COG3: variants seen among roughly 807,000 people sequenced by gnomAD.
The protein encoded by COG3 is conserved oligomeric Golgi complex subunit 3.
In COG3, 32 loss-of-function variants were observed where a neutral mutation model predicts 114.1. That is an observed-to-expected ratio of 0.28 (90% CI 0.21 to 0.38). The LOEUF is 0.38. COG3 is among the 10% of genes least tolerant of loss of function. The probability of loss-of-function intolerance (pLI) is 1.00; values close to 1 mark genes in which losing one functional copy is unlikely to be tolerated. For synonymous variants in COG3, 352 were observed against 365.7 expected (o/e 0.96, Z 0.43); for missense variants, 813 against 973.2 (o/e 0.84, Z 2.19).
chr13:45,480,158 G>A lies in COG3; in HGVS notation c.417G>A (p.Glu139=), dbSNP rs769657274. ...GGGATTACTTGTCTGGGTTTCAGGA[G>A]CAGTGTGATGCTATATTGAATGATG... ...QMRDYLSGFQ[E]QCDAILNDVN... The change falls in exon 4 of 23, where the codon GAG becomes GAA. Residue 139 remains glutamate (E), a synonymous_variant. Transcript: ENST00000349995. 1.2e-6 allele frequency: 2 copies of A among 1,612,268 alleles called. No individual in the cohort carries two copies. The highest frequency in any genetic ancestry group is 1.7e-6 in the Non-Finnish European group (2 of 1,178,984).
chr13:45,480,168 G>C lies in COG3; in HGVS notation c.427G>C (p.Ala143Pro). The change falls in exon 4 of 23, where the codon GCT becomes CCT. Residue 143 changes from alanine (A) to proline (P), a missense_variant. By Grantham distance (27) the Ala-to-Pro change is conservative. Transcript: ENST00000349995. ...YLSGFQEQCD[A>P]ILNDVNSALQ... is the part of the protein sequence containing the mutation. ...GTCTGGGTTTCAGGAGCAGTGTGATGCTATATTGAATGATGTAAACAGTGC... is the reference window on the plus strand; with the variant it reads ...GTCTGGGTTTCAGGAGCAGTGTGATCCTATATTGAATGATGTAAACAGTGC... 2 of 1,613,562 alleles carry C rather than the reference G, an allele frequency of 1.2e-6. No homozygotes were observed. The highest frequency in any genetic ancestry group is 1.7e-6 in the Non-Finnish European group (2 of 1,179,654).
At chr13:45,503,510 G>T (rs1869769796) in intron 14 of COG3, among the ~76,000 whole-genome samples, 161 bp downstream of exon 14, 1 of 152,180 alleles carries the variant, frequency 6.6e-6, no homozygotes, top group Non-Finnish European at 1.5e-5. Flanking sequence ...TCAGTGGTGA[G>T]TGAGATGCTA....
chr13:45,489,284 A>T (rs1886877366), intron 8 of COG3, among the ~76,000 whole-genome samples: 1 of 148,560 alleles, frequency 6.7e-6, no homozygotes, highest in Non-Finnish European at 1.5e-5. Flanking sequence ...AAAAAAAGCC[A>T]ACCAGTTTAA....
At chr13:45,517,545 T>G (rs1390169173) in intron 17 of COG3, among the ~76,000 whole-genome samples, 1 of 150,266 alleles carries the variant, frequency 6.7e-6, no homozygotes, top group Non-Finnish European at 1.5e-5. Flanking sequence ...TGGCACACCA[T>G]GTGTTTTTGT....
At chr13:45,470,953 A>G (rs1885437363) in intron 1 of COG3, among the ~76,000 whole-genome samples, 2 of 152,230 alleles carry the variant, frequency 1.3e-5, no homozygotes, top group South Asian at 4.1e-4. Flanking sequence ...CACAGCTCCC[A>G]GTGAGCCACA....
intron 11 of COG3, 64 bp from the exon 12 acceptor site, chr13:45,493,283 T>C: frequency 3.0e-6 from 4 of 1,351,434 alleles, no homozygotes; most frequent in Non-Finnish European, 4.1e-6. Context: ...AATGAGGATT[T>C]CTAAATTATT....
chr13:45,534,425 T>G (rs1029352704), intron 22 of COG3: 1 of 305,062 alleles, frequency 3.3e-6, no homozygotes, highest in African/African-American at 2.2e-5. Flanking sequence ...GTTTCTACTT[T>G]ATAGCCATGT....
At chr13:45,517,941 A>G (rs935150419) in intron 17 of COG3, among the ~76,000 whole-genome samples, 4 of 152,204 alleles carry the variant, frequency 2.6e-5, no homozygotes, top group Non-Finnish European at 4.4e-5. Flanking sequence ...TAACTCTACC[A>G]TATGATGATT....
In COG3 at chr13:45,471,340, G is replaced by A. The variant is rs115158616; in HGVS notation, c.175-4861G>A. ...GAGGCTTAGGCAGGAGATGGCTTGAGCCCTGGAAATCAAGGCTGCAGTGAG... is the reference window on the plus strand; with the variant it reads ...GAGGCTTAGGCAGGAGATGGCTTGAACCCTGGAAATCAAGGCTGCAGTGAG... On this transcript the variant is annotated intron_variant, in intron 1 of 22. Transcript: ENST00000349995. 2.2e-3 allele frequency among the ~76,000 whole-genome samples: 333 copies of A among 152,260 alleles called. 1 individual carries two copies. The highest frequency in any genetic ancestry group is 7.4e-3 in the African/African-American group (308 of 41,552).
chr13:45,503,323 G>A lies in COG3; in HGVS notation c.1568G>A (p.Gly523Glu), dbSNP rs529398293. 1 of 1,596,186 alleles carries A rather than the reference G, an allele frequency of 6.3e-7. No homozygotes were observed. The highest frequency in any genetic ancestry group is 8.6e-7 in the Non-Finnish European group (1 of 1,163,824). The change falls in exon 14 of 23, where the codon GGA becomes GAA. Residue 523 changes from glycine to glutamate, a missense_variant. Physicochemically the swap from Gly to Glu is moderately conservative, Grantham distance 98. Around this residue, in one of 2 missense-constraint regions of COG3, gnomAD observed 389 missense variants for 542.6 expected, o/e 0.72. Transcript: ENST00000349995. ...ASFSDVHLEE[G>E]ESNSLTKSGS... ...TTTTCAGATGTTCACTTAGAAGAAG[G>A]AGAGTCTAACAGTCTGACAAAATCT...
chr13:45,517,581 C>A (rs1449882704), intron 17 of COG3, among the ~76,000 whole-genome samples: 2 of 150,092 alleles, frequency 1.3e-5, no homozygotes, highest in East Asian at 3.9e-4. Context: ...AAATAGGAGC[C>A]AGATACCCTG....
rs541389803 is a variant in COG3 at position 45,471,720 on chromosome 13, A to G, written c.175-4481A>G. On this transcript the variant is annotated intron_variant, in intron 1 of 22. Coordinates refer to ENST00000349995, the MANE Select transcript of COG3 (RefSeq NM_031431.4). Reference sequence around the variant, plus strand: ...AGGTCTGCTGGTAATGAATTCTCTCAGCTTTTGTTTTTTTTTTGGTCTTTT... The same window carrying G: ...AGGTCTGCTGGTAATGAATTCTCTCGGCTTTTGTTTTTTTTTTGGTCTTTT... Among the ~76,000 whole-genome samples, 449 of 127,404 alleles carry G rather than the reference A, an allele frequency of 3.5e-3. 2 individuals are homozygous for G. The highest frequency in any genetic ancestry group is 0.014 in the African/African-American group (438 of 30,930). The allele number at this position is 127,404 out of a possible 152,430, so 83.6% of individuals were successfully genotyped here.
intron 11 of COG3, 33 bp from the exon 12 acceptor site, chr13:45,493,314 C>G (rs1352368900): frequency 6.4e-7 from 1 of 1,553,722 alleles, no homozygotes; most frequent in Non-Finnish European, 8.8e-7. Flanking sequence ...GAAAAAACTA[C>G]TACTAATAGA....
intron 20 of COG3, among the ~76,000 whole-genome samples, chr13:45,525,349 T>C (rs1047230334): frequency 2.6e-5 from 4 of 152,124 alleles, no homozygotes; most frequent in African/African-American, 7.2e-5. Context: ...CCACTATTCA[T>C]TGTGTTCAAG....
At chr13:45,489,186 C>CAAAA (rs71074703) in intron 8 of COG3, among the ~76,000 whole-genome samples, 1 of 30,414 alleles carries the variant, frequency 3.3e-5, no homozygotes, top group African/African-American at 1.4e-4. Context: ...GACTCTGTTT[C>CAAAA]AAAAAAAAAA....
intron 14 of COG3, among the ~76,000 whole-genome samples, chr13:45,504,840 G>A (rs1033028839): frequency 2.0e-5 from 3 of 152,154 alleles, no homozygotes; most frequent in African/African-American, 4.8e-5. Context: ...GTCTGAATGT[G>A]CCATAATTGT....
rs1376954929 is a variant in COG3 at position 45,535,848 on chromosome 13, C to T, written c.*1117C>T. On this transcript the variant is annotated 3_prime_UTR_variant, in exon 23 of 23. Coordinates refer to ENST00000349995, the MANE Select transcript of COG3 (RefSeq NM_031431.4). Reference sequence around the variant, plus strand: ...TACTTCCTGATTGGATTGGTTTTGCCGCTGATGTTAAGGCAGCCAGCTTCT... The same window carrying T: ...TACTTCCTGATTGGATTGGTTTTGCTGCTGATGTTAAGGCAGCCAGCTTCT... The T allele has an allele frequency of 4.1e-6, 4 of 987,422 alleles. No individual in the cohort carries two copies. Among genetic ancestry groups the T allele is most frequent in the Admixed American group, 6.1e-5 (1 of 16,272 alleles). 61.2% of individuals were successfully genotyped at this position (987,422 alleles called of 1,614,324 possible).
At chr13:45,505,678 C>T (rs936423943) in intron 14 of COG3, among the ~76,000 whole-genome samples, 2 of 151,536 alleles carry the variant, frequency 1.3e-5, no homozygotes, top group African/African-American at 2.4e-5. Context: ...AGGCTGGTTT[C>T]GAACTTCTGT....
intron 16 of COG3, among the ~76,000 whole-genome samples, chr13:45,515,563 G>T (rs1299015444): frequency 6.6e-6 from 1 of 152,166 alleles, no homozygotes; most frequent in Non-Finnish European, 1.5e-5. Context: ...CTTGTGGATG[G>T]GTCCTGAGAG....
Sources: gnomAD v4.1 joint callset for allele counts (sites outside exome capture counted in the v4.1 genomes callset) on GRCh38, gnomAD v4.1.1 for gene constraint, gnomAD v4.1.1 regional missense constraint, MANE v1.5 for transcripts, NCBI Gene and HGNC (gene_info 2026-07-23, HGNC 2026-07-21) for gene names.